IL7: variants seen among roughly 807,000 people sequenced by gnomAD.
IL7 encodes interleukin-7.
Under a neutral mutation model 21.6 loss-of-function variants are expected in IL7, and 3 were observed. That is an observed-to-expected ratio of 0.14 (90% CI 0.06 to 0.36). The LOEUF is 0.36. IL7 is among the 10% of genes least tolerant of loss of function. The pLI, the probability that IL7 is intolerant of heterozygous loss-of-function variation, is 1.00. For synonymous variants in IL7, 62 were observed against 68.1 expected (o/e 0.91, Z 0.44); for missense variants, 175 against 200.2 (o/e 0.87, Z 0.76).
rs958426567 is a variant in IL7, at chr8:78,805,123, G to C, written c.-201C>G. The stretch of plus-strand genomic sequence containing the variant: ...TCCCAAGGGGGGCGGCACACACTAC[G>C]GCGTGGCTCTGCGCTTTGCCTTTTC... On this transcript the variant is annotated 5_prime_UTR_variant, in exon 1 of 6. Coordinates refer to ENST00000263851, the MANE Select transcript of IL7 (RefSeq NM_000880.4). 2 of 556,288 alleles carry C rather than the reference G, an allele frequency of 3.6e-6. No individual in the cohort carries two copies. The highest frequency in any genetic ancestry group is 6.5e-6 in the Non-Finnish European group (2 of 306,566). The allele number at this position is 556,288 out of a possible 1,614,324, so 34.5% of individuals were successfully genotyped here. A position where few individuals can be genotyped will look rare whatever the true frequency, so the allele number is the denominator to read the frequency against.
In IL7 at chr8:78,686,623, G is replaced by T. The variant is rs780293903; in HGVS notation, n.215-676C>A. Reference sequence around the variant, plus strand: ...TTATGATCCTGGTATTTGGAATATTGTTGACAGAAATGTTCATGTGGAAAG... The same window carrying T: ...TTATGATCCTGGTATTTGGAATATTTTTGACAGAAATGTTCATGTGGAAAG... On this transcript the variant is annotated intron_variant and non_coding_transcript_variant, in intron 3 of 4. Coordinates refer to the IL7 transcript ENST00000523959. 4.1e-6 allele frequency: 6 copies of T among 1,461,800 alleles called. No homozygotes were observed. The African/African-American group carries it at 4.4e-5, about 11-fold the overall frequency. 90.6% of individuals were successfully genotyped at this position (1,461,800 alleles called of 1,614,324 possible). A position where few individuals can be genotyped will look rare whatever the true frequency, so the allele number is the denominator to read the frequency against.
At chr8:78,764,831 T>C (rs933003341) in intron 2 of IL7, among the ~76,000 whole-genome samples, 3 of 152,112 alleles carry the variant, frequency 2.0e-5, no homozygotes, top group African/African-American at 4.8e-5. Flanking sequence ...ACAAATTGGT[T>C]CTAAAGTTTA....
Position 78,804,071 on chromosome 8 carries a change from T to A in IL7, c.10+842A>T, listed in dbSNP as rs1199360152. On this transcript the variant is annotated intron_variant, in intron 1 of 5. Transcript: ENST00000263851. ...CCTCACAATCCTTTTTCCTCTTTTT[T>A]AATTCCAGTAAGTTTTTTGGCTCTT... Among the ~76,000 whole-genome samples the A allele has an allele frequency of 2.6e-5, 4 of 152,322 alleles. 1 individual carries two copies. Among genetic ancestry groups the A allele is most frequent in the Admixed American group, 1.3e-4 (2 of 15,310 alleles).
intron 3 of IL7, among the ~76,000 whole-genome samples, chr8:78,695,857 G>C (rs1234941785): frequency 6.6e-6 from 1 of 152,074 alleles, no homozygotes; most frequent in Non-Finnish European, 1.5e-5. Flanking sequence ...TTTTTTGTGT[G>C]ACCGTTTATC....
intron 4 of IL7, chr8:78,679,108 T>G (rs1049673848): frequency 1.3e-5 from 2 of 152,352 alleles, no homozygotes; most frequent in Non-Finnish European, 2.9e-5. Context: ...TAATAGATAC[T>G]GCTTATTTTG....
At chr8:78,804,104 T>C (rs1814199287) in intron 1 of IL7, among the ~76,000 whole-genome samples, 1 of 152,086 alleles carries the variant, frequency 6.6e-6, no homozygotes, top group African/African-American at 2.4e-5. Flanking sequence ...CTTTCATTGG[T>C]CATATATGAC....
In IL7 at chr8:78,687,636, A is replaced by ATATATTTATGTAATACAT. The variant is rs1563626730; in HGVS notation, n.215-1690_215-1689insATGTATTACATAAATATA. Among the ~76,000 whole-genome samples, 11 of 129,986 alleles carry ATATATTTATGTAATACAT rather than the reference A, an allele frequency of 8.5e-5. 1 individual carries two copies. The highest frequency in any genetic ancestry group is 7.0e-4 in the Admixed American group (8 of 11,408). The allele number at this position is 129,986 out of a possible 152,430, so 85.3% of individuals were successfully genotyped here. On this transcript the variant is annotated intron_variant and non_coding_transcript_variant, in intron 3 of 4. Transcript: ENST00000523959. ...ATTATATATATTTACGTAATACATTATATATATATTTACGTAATACATTAT... is the reference window on the plus strand; with the variant it reads ...ATTATATATATTTACGTAATACATTATATATTTATGTAATACATTATATATATTTACGTAATACATTAT...
At chr8:78,730,118 A>G (rs1043719900), downstream of IL7, among the ~76,000 whole-genome samples, 2 of 152,024 alleles carry the variant, frequency 1.3e-5, no homozygotes, top group African/African-American at 4.8e-5. Flanking sequence ...AAATATGAAT[A>G]TGAAATTAGT....
chr8:78,762,121 T>C (rs1812582346), intron 2 of IL7: 1 of 1,596,622 alleles, frequency 6.3e-7, no homozygotes, highest in Non-Finnish European at 8.6e-7. Flanking sequence ...GTTCTTTTAT[T>C]CGTTTTCTGT....
At chr8:78,749,832 G>C (rs1212296304) in intron 2 of IL7, among the ~76,000 whole-genome samples, 1 of 152,018 alleles carries the variant, frequency 6.6e-6, no homozygotes, top group Non-Finnish European at 1.5e-5. Flanking sequence ...CCAGAAGTTT[G>C]AGACCAGCCT....
chr8:78,757,073 G>T (rs189583506), intron 2 of IL7, among the ~76,000 whole-genome samples: 2 of 151,490 alleles, frequency 1.3e-5, no homozygotes, highest in African/African-American at 4.8e-5. Flanking sequence ...CCATAGGTTT[G>T]GGTATGTTGT....
intron 3 of IL7, among the ~76,000 whole-genome samples, chr8:78,709,288 C>T (rs1810880787): frequency 6.6e-6 from 1 of 152,076 alleles, no homozygotes; most frequent in Non-Finnish European, 1.5e-5. Flanking sequence ...TTATTTAAAA[C>T]ATTAAGAAGT....
intron 2 of IL7, among the ~76,000 whole-genome samples, chr8:78,750,474 C>T (rs1812129438): frequency 1.3e-5 from 2 of 152,012 alleles, no homozygotes; most frequent in African/African-American, 4.8e-5. Flanking sequence ...AGCATAAGGA[C>T]TAGACTTACC....
downstream of IL7, among the ~76,000 whole-genome samples, chr8:78,731,754 G>A (rs1018539889): frequency 6.6e-6 from 1 of 152,046 alleles, no homozygotes; most frequent in Non-Finnish European, 1.5e-5. Context: ...AACCATAAGT[G>A]TGTGGGTAAT....
intron 2 of IL7, among the ~76,000 whole-genome samples, chr8:78,757,932 G>C (rs1017324075): frequency 3.9e-5 from 6 of 152,022 alleles, no homozygotes; most frequent in African/African-American, 1.4e-4. Flanking sequence ...AGTCTCATGA[G>C]ATCTCATGGT....
chr8:78,752,377 T>G (rs1015305199), intron 2 of IL7, among the ~76,000 whole-genome samples: 2 of 152,214 alleles, frequency 1.3e-5, no homozygotes, highest in African/African-American at 4.8e-5. Context: ...GCTGTACTAA[T>G]TCACATTCCC....
chr8:78,702,022 T>A (rs933014989), intron 3 of IL7, among the ~76,000 whole-genome samples: 4 of 152,158 alleles, frequency 2.6e-5, no homozygotes, highest in African/African-American at 9.7e-5. Flanking sequence ...TCTTCTCAAT[T>A]TTTTGGAATA....
chr8:78,682,979 G>T (rs948831979), intron 4 of IL7, among the ~76,000 whole-genome samples: 2 of 152,226 alleles, frequency 1.3e-5, no homozygotes, highest in Non-Finnish European at 2.9e-5. Context: ...GCTCTGAAAC[G>T]ATCTCCTTTG....
chr8:78,727,062 C>T (rs1811351843), intron 3 of IL7, among the ~76,000 whole-genome samples: 1 of 151,932 alleles, frequency 6.6e-6, no homozygotes, highest in African/African-American at 2.4e-5. Context: ...GAGAAAACTC[C>T]AAGGACTGGT....
Sources: allele counts gnomAD v4.1 joint callset (sites outside exome capture counted in the v4.1 genomes callset), GRCh38; gene constraint gnomAD v4.1.1; transcripts MANE v1.5; gene names NCBI Gene and HGNC (gene_info 2026-07-23, HGNC 2026-07-21).